Variants in ELFN2 observed in about 807,000 individuals in gnomAD.
ELFN2 encodes the protein protein phosphatase 1 regulatory subunit 29.
Under a neutral mutation model 45.5 loss-of-function variants are expected in ELFN2, and 17 were observed. The ratio of observed to expected loss-of-function variants is 0.37; its 90% CI spans 0.26 to 0.56. The LOEUF (loss-of-function observed/expected upper bound fraction) is 0.56. Among genes scored for constraint, ELFN2 ranks in the 20% least tolerant of loss-of-function variants. The pLI, the probability that ELFN2 is intolerant of heterozygous loss-of-function variation, is 0.77. For synonymous variants in ELFN2, 550 were observed against 551.5 expected (o/e 1.00, Z 0.04); for missense variants, 922 against 1,183.2 (o/e 0.78, Z 3.24).
chr22:37,416,423 G>A (rs1238404892), intron 2 of ELFN2, among the ~76,000 whole-genome samples: 1 of 152,186 alleles, frequency 6.6e-6, no homozygotes, highest in Non-Finnish European at 1.5e-5. Context: ...CCCAGAGAAC[G>A]GCACTGGGTC....
rs561237033 is a variant in ELFN2 at position 37,372,070 on chromosome 22, G to T, written c.*1002C>A. ...TCACAGTGCACCGCTGCCCTTCTGCGGTGGGCAGGGGTCTCGGAGGACCAG... is the reference window on the plus strand; with the variant it reads ...TCACAGTGCACCGCTGCCCTTCTGCTGTGGGCAGGGGTCTCGGAGGACCAG... On this transcript the variant is annotated 3_prime_UTR_variant, in exon 3 of 3. Coordinates refer to ENST00000402918, the MANE Select transcript of ELFN2 (RefSeq NM_052906.5). The surrounding 1 kb of genome is among the most constrained non-coding windows in gnomAD (Gnocchi z 4.4). 1 of 152,470 alleles carries T rather than the reference G, an allele frequency of 6.6e-6. No homozygotes were observed. The highest frequency in any genetic ancestry group is 2.4e-5 in the African/African-American group (1 of 41,434). 9.4% of individuals were successfully genotyped at this position (152,470 alleles called of 1,614,324 possible). A position where few individuals can be genotyped will look rare whatever the true frequency, so the allele number is the denominator to read the frequency against.
Position 37,374,156 on chromosome 22 carries a change from C to A in ELFN2, c.1379G>T (p.Gly460Val). Residue 460 changes from glycine to valine, a missense_variant, in exon 3 of 3, where the codon GGC becomes GTC. Physicochemically the swap from Gly to Val is moderately radical, Grantham distance 109. Around this residue, in one of 2 missense-constraint regions of ELFN2, gnomAD observed 564 missense variants for 642.8 expected, o/e 0.88. Transcript: ENST00000402918. ...AGATACGGGCAGCACGGGAGGCTCG[C>A]CCAGCTTCTGGGCGGCGTGCACAAT... The part of the protein sequence containing the change: ...GSIVHAAQKL[G>V]EPPVLPVSRM... 6.2e-7 allele frequency: 1 copy of A among 1,613,160 alleles called. No homozygotes were observed. Among genetic ancestry groups the A allele is most frequent in the East Asian group, 2.2e-5 (1 of 44,884 alleles).
At chr22:37,401,891 G>C (rs948661162) in intron 2 of ELFN2, among the ~76,000 whole-genome samples, 4 of 152,208 alleles carry the variant, frequency 2.6e-5, no homozygotes, top group African/African-American at 7.2e-5. Context: ...GGCGACAAGG[G>C]AAAAGCTTGT....
chr22:37,391,417 C>T (rs1289954054), intron 2 of ELFN2, among the ~76,000 whole-genome samples: 2 of 152,184 alleles, frequency 1.3e-5, no homozygotes, highest in South Asian at 2.1e-4. Flanking sequence ...CCACCACGCA[C>T]AGGGCCATGA....
chr22:37,375,746 G>C lies in ELFN2; in HGVS notation c.-212C>G. The stretch of plus-strand genomic sequence containing the variant: ...GCACTAGGCCTGGCTAGGGCTGGGG[G>C]TGGGGGCCCCACAGCCTGCTCCCCA... On this transcript the variant is annotated 5_prime_UTR_variant, in exon 3 of 3. Coordinates refer to ENST00000402918, the MANE Select transcript of ELFN2 (RefSeq NM_052906.5). The C allele has an allele frequency of 1.6e-6, 1 of 621,744 alleles. No homozygotes were observed. Among genetic ancestry groups the C allele is most frequent in the Non-Finnish European group, 2.8e-6 (1 of 359,208 alleles). The allele number at this position is 621,744 out of a possible 1,614,324, so 38.5% of individuals were successfully genotyped here.
intron 2 of ELFN2, among the ~76,000 whole-genome samples, chr22:37,394,442 C>T (rs1217267583): frequency 6.6e-6 from 1 of 152,218 alleles, no homozygotes; most frequent in Non-Finnish European, 1.5e-5. Context: ...GGTCAAGGCC[C>T]CTCAGGGGCC....
chr22:37,408,769 C>T (rs746646744), intron 2 of ELFN2, among the ~76,000 whole-genome samples: 2 of 152,222 alleles, frequency 1.3e-5, no homozygotes, highest in African/African-American at 2.4e-5. Context: ...TGGGTAGGAT[C>T]TTTAACCTCT....
chr22:37,362,978 AC>A (rs1269520668), downstream of ELFN2, among the ~76,000 whole-genome samples: 3 of 152,150 alleles, frequency 2.0e-5, no homozygotes, highest in Non-Finnish European at 4.4e-5. Flanking sequence ...CCCAAGGGGT[AC>A]CCCTGCAGCT....
In ELFN2 at chr22:37,360,824, A is replaced by G. The variant is rs932703083; in HGVS notation, n.149-18121T>C. ...CATGAGGCAACAAAGCAGAACAAAG[A>G]AGAGGCTCGTACAAGGCAGAACAAA... On this transcript the variant is annotated intron_variant and non_coding_transcript_variant, in intron 1 of 2. Transcript: ENST00000452946. 6.6e-5 allele frequency among the ~76,000 whole-genome samples: 10 copies of G among 152,230 alleles called. 1 individual carries two copies. Among genetic ancestry groups the G allele is most frequent in the African/African-American group, 2.4e-5 (1 of 41,450 alleles).
intron 2 of ELFN2, among the ~76,000 whole-genome samples, chr22:37,387,634 C>T (rs1163993168): frequency 5.3e-5 from 8 of 152,142 alleles, no homozygotes; most frequent in Non-Finnish European, 1.2e-4. Flanking sequence ...GACCTAAGTC[C>T]TGCCACCTTC....
At chr22:37,383,612 G>A (rs1189831809) in intron 2 of ELFN2, among the ~76,000 whole-genome samples, 1 of 152,250 alleles carries the variant, frequency 6.6e-6, no homozygotes, top group Non-Finnish European at 1.5e-5. Context: ...GGCCCTGCCT[G>A]CAGTTCAGCC....
chr22:37,344,145 CACCTG>C (rs1930635601), intron 1 of ELFN2, among the ~76,000 whole-genome samples: 1 of 99,802 alleles, frequency 1.0e-5, no homozygotes, highest in African/African-American at 4.2e-5. Context: ...TGCCCATGCC[CACCTG>C]CCCATGCCCC....
Position 37,374,209 on chromosome 22 carries a change from G to A in ELFN2, c.1326C>T (p.Arg442=). ...AGCCGGCATCCACATCAGCCCCGTAGCGCATCTCCAGGATGGTCTTCTTGA... is the reference window on the plus strand; with the variant it reads ...AGCCGGCATCCACATCAGCCCCGTAACGCATCTCCAGGATGGTCTTCTTGA... ...VNVKKTILEM[R]YGADVDAGSI... The change falls in exon 3 of 3, where the codon CGC becomes CGT. Residue 442 remains arginine (R), a synonymous_variant. Coordinates refer to ENST00000402918, the MANE Select transcript of ELFN2 (RefSeq NM_052906.5). 3 of 1,613,822 alleles carry A rather than the reference G, an allele frequency of 1.9e-6. No individual in the cohort carries two copies. The highest frequency in any genetic ancestry group is 2.2e-5 in the East Asian group (1 of 44,876).
At chr22:37,392,600 A>G (rs7285687) in intron 2 of ELFN2, among the ~76,000 whole-genome samples, 58,156 of 152,016 alleles carry the variant, frequency 0.38, 14,005 homozygotes, top group African/African-American at 0.68. Flanking sequence ...TTACAGGTGT[A>G]AGCCACCGCG....
chr22:37,396,518 T>A (rs1160428816), intron 2 of ELFN2, among the ~76,000 whole-genome samples: 1 of 152,204 alleles, frequency 6.6e-6, no homozygotes, highest in Non-Finnish European at 1.5e-5. Context: ...TGGGGCACTT[T>A]GAAGGAGGTC....
At chr22:37,397,646 C>G (rs1446336115) in intron 2 of ELFN2, among the ~76,000 whole-genome samples, 1 of 152,160 alleles carries the variant, frequency 6.6e-6, no homozygotes, top group African/African-American at 2.4e-5. Flanking sequence ...GCGTGACCTT[C>G]TTATGTGGGG....
intron 2 of ELFN2, among the ~76,000 whole-genome samples, chr22:37,385,513 G>T (rs1931923912): frequency 6.6e-6 from 1 of 152,218 alleles, no homozygotes; most frequent in Non-Finnish European, 1.5e-5. Context: ...TGGCTTCCCT[G>T]GGTCTGCGTC....
chr22:37,357,647 A>G (rs764557276), intron 1 of ELFN2, among the ~76,000 whole-genome samples: 1 of 152,226 alleles, frequency 6.6e-6, no homozygotes, highest in Non-Finnish European at 1.5e-5. Context: ...CACGTGGCTC[A>G]CGTTAAATGC....
chr22:37,351,868 G>C (rs1930829703), intron 1 of ELFN2, among the ~76,000 whole-genome samples: 1 of 151,088 alleles, frequency 6.6e-6, no homozygotes, highest in African/African-American at 2.4e-5. Context: ...CTCTGGGCCA[G>C]GGCATTAGCA....
Sources: allele counts gnomAD v4.1 joint callset (sites outside exome capture counted in the v4.1 genomes callset), GRCh38; gene constraint gnomAD v4.1.1; regional missense constraint gnomAD v4.1.1; non-coding constraint Gnocchi (gnomAD v3.1); transcripts MANE v1.5; gene names NCBI Gene and HGNC (gene_info 2026-07-23, HGNC 2026-07-21).